Variants in MED13 observed in about 807,000 individuals in gnomAD.
MED13 encodes the protein mediator of RNA polymerase II transcription subunit 13.
MED13 carries 23 observed loss-of-function variants against 225.2 expected under a neutral mutation model. The observed-to-expected ratio is 0.10, with a 90% CI of 0.07 to 0.14. The LOEUF (loss-of-function observed/expected upper bound fraction) is 0.14. MED13 is among the 10% of genes least tolerant of loss of function. MED13 has a pLI of 1.00. For missense variants in MED13, 2,197 were observed against 2,594.5 expected (o/e 0.85, Z 3.33); for synonymous variants, 942 against 889.2 (o/e 1.06, Z -1.06).
intron 16 of MED13, among the ~76,000 whole-genome samples, chr17:61,973,922 G>A (rs2080130741): frequency 6.6e-6 from 1 of 152,078 alleles, no homozygotes; most frequent in Non-Finnish European, 1.5e-5. Flanking sequence ...GGCAGGGGTT[G>A]CAGTGAGCCG....
intron 2 of MED13, among the ~76,000 whole-genome samples, chr17:62,054,461 A>G (rs917242206): frequency 2.0e-5 from 3 of 152,224 alleles, no homozygotes; most frequent in African/African-American, 7.2e-5. Flanking sequence ...TATATCAAAG[A>G]CACCGTTATC....
intron 8 of MED13, among the ~76,000 whole-genome samples, chr17:62,015,751 A>G (rs2080557305): frequency 7.0e-6 from 1 of 142,582 alleles, no homozygotes; most frequent in South Asian, 2.2e-4. Context: ...TTTTATATAT[A>G]TATATAATAT....
chr17:62,011,287 TATA>T, intron 8 of MED13, 54 bp from the exon 9 acceptor site: 1 of 1,458,784 alleles, frequency 6.9e-7, no homozygotes, highest in Non-Finnish European at 9.3e-7. Flanking sequence ...TATGGCGAAG[TATA>T]ATACCAGTTA....
intron 28 of MED13, among the ~76,000 whole-genome samples, chr17:61,950,103 C>A (rs914132716): frequency 1.3e-5 from 2 of 152,106 alleles, no homozygotes; most frequent in Admixed American, 1.3e-4. Flanking sequence ...GAGTCTATTA[C>A]CAATTTATGA....
intron 2 of MED13, among the ~76,000 whole-genome samples, chr17:62,060,786 G>A (rs556727062): frequency 1.3e-5 from 2 of 151,112 alleles, no homozygotes; most frequent in South Asian, 4.2e-4. Context: ...TGCAACCTCC[G>A]CCTCCTGGGA....
At chr17:61,946,729 G>C in intron 29 of MED13, 129 bp from the exon 30 acceptor site, 1 of 1,220,750 alleles carries the variant, frequency 8.2e-7, no homozygotes, top group Non-Finnish European at 1.2e-6. Flanking sequence ...TCCTTGAGGG[G>C]AAAGAAGCAA....
chr17:61,946,499 T>C lies in MED13; in HGVS notation c.6494A>G (p.Gln2165Arg). The C allele has an allele frequency of 6.2e-7, 1 of 1,613,922 alleles. No homozygotes were observed. The highest frequency in any genetic ancestry group is 8.5e-7 in the Non-Finnish European group (1 of 1,179,820). The change falls in exon 30 of 30, where the codon CAG becomes CGG. Residue 2165 changes from glutamine (Q) to arginine (R), a missense_variant. Coordinates refer to ENST00000397786, the MANE Select transcript of MED13 (RefSeq NM_005121.3). ...CATATTCATAATAAAGTTATATAAC[T>C]GATTCAGCACCACAAAATGAATTGG... Reference protein sequence around the residue: ...CLPIHFVVLNQLYNFIMNML With the variant: ...CLPIHFVVLNRLYNFIMNML
At position 61,959,582 on chromosome 17, in the gene MED13, T is replaced by C. The variant is rs569433577; in HGVS notation, c.5480+1285A>G. On this transcript the variant is annotated intron_variant, in intron 23 of 29. Coordinates refer to ENST00000397786, the MANE Select transcript of MED13 (RefSeq NM_005121.3). Reference sequence around the variant, plus strand: ...ACTTGTTAATGTTTATAATCAATAATATAAAATTAATGTTTCTATCTTCTG... The same window carrying C: ...ACTTGTTAATGTTTATAATCAATAACATAAAATTAATGTTTCTATCTTCTG... 1.6e-4 allele frequency among the ~76,000 whole-genome samples: 25 copies of C among 152,234 alleles called. No individual in the cohort carries two copies. The East Asian group carries it at 2.1e-3, about 13-fold the overall frequency.
intron 3 of MED13, among the ~76,000 whole-genome samples, chr17:62,052,101 G>A (rs892141653): frequency 1.3e-5 from 2 of 152,064 alleles, no homozygotes; most frequent in Non-Finnish European, 2.9e-5. Context: ...TTTAATTAAA[G>A]GGAATTGAGA....
chr17:61,963,202 C>CAAAAAAAAAAAAAA (rs11290002), intron 20 of MED13, among the ~76,000 whole-genome samples: 228 of 55,856 alleles, frequency 4.1e-3, no homozygotes, highest in Non-Finnish European at 4.8e-3. Flanking sequence ...TTAAATTTAC[C>CAAAAAAAAAAAAAA]AAAAAAAAAA....
chr17:61,974,983 C>T (rs533857893), intron 16 of MED13, among the ~76,000 whole-genome samples: 1 of 152,158 alleles, frequency 6.6e-6, no homozygotes, highest in East Asian at 1.9e-4. Context: ...AAAGATTTCA[C>T]ATCCTATGGA....
intron 6 of MED13, chr17:62,030,765 A>G (rs879329826): frequency 6.6e-6 from 1 of 152,244 alleles, no homozygotes; most frequent in Non-Finnish European, 1.5e-5. Flanking sequence ...GAGGGAGGGC[A>G]GAGATATAAA....
At position 61,990,303 on chromosome 17, in the gene MED13, T is replaced by TAC. The variant is rs890497375; in HGVS notation, c.2263+2235_2263+2236dup. Among the ~76,000 whole-genome samples, 5 of 151,818 alleles carry TAC rather than the reference T, an allele frequency of 3.3e-5. 1 individual carries two copies. Among genetic ancestry groups the TAC allele is most frequent in the African/African-American group, 7.3e-5 (3 of 41,340 alleles). On this transcript the variant is annotated intron_variant, in intron 11 of 29. Coordinates refer to ENST00000397786, the MANE Select transcript of MED13 (RefSeq NM_005121.3). ...CACTATATATACATACACACACATA[T>TAC]ACACACACACATATATATACACACT...
At chr17:61,977,074 G>A (rs1223325594) in intron 16 of MED13, among the ~76,000 whole-genome samples, 1 of 152,150 alleles carries the variant, frequency 6.6e-6, no homozygotes, top group Non-Finnish European at 1.5e-5. Flanking sequence ...TTAATATCCT[G>A]ATCATCTACT....
At chr17:62,060,885 A>G (rs1238786848) in intron 2 of MED13, among the ~76,000 whole-genome samples, 1 of 151,878 alleles carries the variant, frequency 6.6e-6, no homozygotes, top group East Asian at 2.0e-4. Flanking sequence ...TCTTCAGTAG[A>G]GATGGGGTTT....
At chr17:62,001,372 T>G (rs2080393261) in intron 9 of MED13, among the ~76,000 whole-genome samples, 1 of 152,194 alleles carries the variant, frequency 6.6e-6, no homozygotes, top group Non-Finnish European at 1.5e-5. Flanking sequence ...TCACTTTCTA[T>G]ATGAGTTGTC....
At chr17:62,047,770 G>C (rs1236064086) in intron 3 of MED13, among the ~76,000 whole-genome samples, 1 of 151,664 alleles carries the variant, frequency 6.6e-6, no homozygotes, top group Non-Finnish European at 1.5e-5. Flanking sequence ...AAGAGAGAGA[G>C]AGAGAGAGAC....
At chr17:62,020,745 T>C (rs2080634787) in intron 8 of MED13, among the ~76,000 whole-genome samples, 1 of 150,540 alleles carries the variant, frequency 6.6e-6, no homozygotes, top group Non-Finnish European at 1.5e-5. Flanking sequence ...GAGGGGTATT[T>C]GGCAGGGTCA....
Position 61,961,702 on chromosome 17 carries a change from C to A in MED13, c.5142G>T (p.Leu1714=), listed in dbSNP as rs2080002163. The change falls in exon 22 of 30, where the codon CTG becomes CTT. Residue 1714 remains leucine (L), a synonymous_variant. Coordinates refer to ENST00000397786, the MANE Select transcript of MED13 (RefSeq NM_005121.3). ...REIYPQHLKS[L]AFSAFTQCRR... is the part of the protein sequence containing the mutation. ...GACACTGGGTAAAGGCCGAAAAAGC[C>A]AGGGATTTTAAATGCTGGGGATAGA... 1 of 1,613,876 alleles carries A rather than the reference C, an allele frequency of 6.2e-7. No homozygotes were observed. Among genetic ancestry groups the A allele is most frequent in the Non-Finnish European group, 8.5e-7 (1 of 1,180,014 alleles).
Sources: allele counts gnomAD v4.1 joint callset (sites outside exome capture counted in the v4.1 genomes callset), GRCh38; gene constraint gnomAD v4.1.1; transcripts MANE v1.5; gene names NCBI Gene and HGNC (gene_info 2026-07-23, HGNC 2026-07-21).